KDM2B: variants seen among roughly 807,000 people sequenced by gnomAD.
The protein encoded by KDM2B is lysine demethylase 2B.
In KDM2B, 26 loss-of-function variants were observed where a neutral mutation model predicts 150.0. The ratio of observed to expected loss-of-function variants is 0.17; its 90% CI spans 0.13 to 0.24. The LOEUF is 0.24. Among genes scored for constraint, KDM2B ranks in the 10% least tolerant of loss-of-function variants. KDM2B has a pLI of 1.00. For missense variants in KDM2B, 1,265 were observed against 1,816.9 expected, an observed-to-expected ratio of 0.70 and a Z score of 5.52; for synonymous variants, 734 against 729.5, an observed-to-expected ratio of 1.01 and a Z score of -0.10.
intron 12 of KDM2B, among the ~76,000 whole-genome samples, chr12:121,487,425 G>A (rs79454814): frequency 0.021 from 3,222 of 152,202 alleles, 103 homozygotes; most frequent in African/African-American, 0.071. Context: ...TTCTCTTCGC[G>A]TGGTTCCCCT....
intron 4 of KDM2B, among the ~76,000 whole-genome samples, chr12:121,573,389 C>T (rs1002027315): frequency 1.5e-4 from 23 of 151,206 alleles, no homozygotes; most frequent in African/African-American, 5.6e-4. Flanking sequence ...CTGAAGTGAT[C>T]CTCTCACCTC....
chr12:121,474,212 A>T (rs1881086556), intron 12 of KDM2B, among the ~76,000 whole-genome samples: 1 of 152,154 alleles, frequency 6.6e-6, no homozygotes, highest in Non-Finnish European at 1.5e-5. Context: ...TGTTCACTTT[A>T]AAATTTTTAG....
intron 6 of KDM2B, among the ~76,000 whole-genome samples, chr12:121,540,908 A>T (rs1279044671): frequency 2.0e-5 from 3 of 151,388 alleles, no homozygotes; most frequent in African/African-American, 7.3e-5. Context: ...AGATGGCAGG[A>T]CCCCTACATT....
At position 121,520,882 on chromosome 12, in the gene KDM2B, A is replaced by G; in HGVS notation, c.1047+103T>C. On this transcript the variant is annotated intron_variant, in intron 9 of 22. Coordinates refer to ENST00000377071, the MANE Select transcript of KDM2B (RefSeq NM_032590.5). The surrounding 1 kb of genome is among the most constrained non-coding windows in gnomAD (Gnocchi z 4.5). ...GCTTGAGAGAGGAATCGGGAGGGAGAGGGGAACTGTGGAGGACTTCAGTAT... is the reference window on the plus strand; with the variant it reads ...GCTTGAGAGAGGAATCGGGAGGGAGGGGGGAACTGTGGAGGACTTCAGTAT... 5.5e-6 allele frequency: 3 copies of G among 546,882 alleles called. No individual in the cohort carries two copies. The highest frequency in any genetic ancestry group is 6.3e-6 in the Non-Finnish European group (2 of 316,908). 33.9% of individuals were successfully genotyped at this position (546,882 alleles called of 1,614,324 possible).
chr12:121,420,686 AT>A, the KDM2B span: 2 of 1,614,048 alleles, frequency 1.2e-6, no homozygotes, highest in Non-Finnish European at 1.7e-6. Context: ...CTGGCTCGGA[AT>A]TTTGTCAACT....
the KDM2B span, among the ~76,000 whole-genome samples, chr12:121,422,644 T>C: frequency 6.6e-6 from 1 of 152,240 alleles, no homozygotes; most frequent in Non-Finnish European, 1.5e-5. Context: ...CAACTATTCA[T>C]GATTCCCTTT....
chr12:121,511,136 G>A (rs1295336282), intron 10 of KDM2B, among the ~76,000 whole-genome samples: 1 of 151,428 alleles, frequency 6.6e-6, no homozygotes, highest in African/African-American at 2.4e-5. Flanking sequence ...TCAGCCTCCC[G>A]AGTAGCTGAG....
In KDM2B at chr12:121,549,619, G is replaced by A. The variant is rs1329219384; in HGVS notation, c.417C>T (p.Asp139=). Residue 139 remains aspartate (D), a synonymous_variant, in exon 5 of 23, where the codon GAC becomes GAT. Coordinates refer to ENST00000377071, the MANE Select transcript of KDM2B (RefSeq NM_032590.5). This position sits in a 1 kb window ranked among gnomAD's most constrained non-coding sequence, Gnocchi z 4.4. ...KLLVGSRRLV[D]VMDVNTQKGT... ...CCTTCTGGGTGTTCACATCCATCAC[G>A]TCCACAAGCCGCCGGCTCCCTGGAG... 8.8e-6 allele frequency: 14 copies of A among 1,585,562 alleles called. No individual in the cohort carries two copies. Among genetic ancestry groups the A allele is most frequent in the South Asian group, 2.2e-5 (2 of 88,992 alleles).
chr12:121,544,602 T>G (rs1555310340), intron 6 of KDM2B, among the ~76,000 whole-genome samples: 1 of 139,192 alleles, frequency 7.2e-6, no homozygotes, highest in South Asian at 2.3e-4. Context: ...ACAGTGAGTC[T>G]CCGTCCCCCC....
upstream of KDM2B, among the ~76,000 whole-genome samples, chr12:121,581,433 T>C (rs1337495633): frequency 3.3e-5 from 5 of 152,192 alleles, no homozygotes; most frequent in African/African-American, 1.2e-4. Context: ...CCTGTCCACT[T>C]ACTAGTGTTT....
At chr12:121,473,141 A>G (rs1361330839) in intron 12 of KDM2B, among the ~76,000 whole-genome samples, 1 of 152,214 alleles carries the variant, frequency 6.6e-6, no homozygotes, top group Non-Finnish European at 1.5e-5. Flanking sequence ...CTGTAATCCC[A>G]GCTCCTTGGG....
At position 121,537,013 on chromosome 12, in the gene KDM2B, C is replaced by T. The variant is rs1195718203; in HGVS notation, c.684-2423G>A. On this transcript the variant is annotated intron_variant, in intron 6 of 22. Transcript: ENST00000377071. The surrounding 1 kb of genome is among the most constrained non-coding windows in gnomAD (Gnocchi z 8.7). ...CAAGTTGAGTCTGTGTCTGATCTGC[C>T]CTCTGGGTCACCCTCCAGCATCCAG... 2.6e-5 allele frequency among the ~76,000 whole-genome samples: 4 copies of T among 152,198 alleles called. No homozygotes were observed. The highest frequency in any genetic ancestry group is 6.5e-5 in the Admixed American group (1 of 15,286).
At chr12:121,578,997 G>A (rs1555317407) in intron 1 of KDM2B, 51 bp from the exon 2 acceptor site, 6 of 1,579,910 alleles carry the variant, frequency 3.8e-6, no homozygotes, top group African/African-American at 1.4e-5. Flanking sequence ...GGGGCTGGAG[G>A]TCGCCTCTCA....
chr12:121,535,382 A>G (rs1436044771), intron 6 of KDM2B, among the ~76,000 whole-genome samples: 2 of 152,186 alleles, frequency 1.3e-5, no homozygotes, highest in Non-Finnish European at 2.9e-5. Context: ...AGAGACAGAA[A>G]GCAGATTAGT....
At chr12:121,482,180 T>C (rs1483040501) in intron 12 of KDM2B, among the ~76,000 whole-genome samples, 1 of 152,218 alleles carries the variant, frequency 6.6e-6, no homozygotes, top group Non-Finnish European at 1.5e-5. Context: ...CAGGTGAACG[T>C]AGTCTTGAAG....
At chr12:121,435,913 A>G (rs1265953429) in intron 22 of KDM2B, among the ~76,000 whole-genome samples, 1 of 152,124 alleles carries the variant, frequency 6.6e-6, no homozygotes, top group East Asian at 1.9e-4. Flanking sequence ...GCTTCTGATC[A>G]CCCTTGAGTG....
rs1555294940 is a variant in KDM2B, at chr12:121,467,021, C to T, written c.1735-13677G>A. ...CGCCCCGCTCGGGCCCGGCCCCGGC[C>T]GCCCCGCCGGCAGCGGCAGCAAAAC... On this transcript the variant is annotated intron_variant, in intron 12 of 22. Transcript: ENST00000377071. This position sits in a 1 kb window ranked among gnomAD's most constrained non-coding sequence, Gnocchi z 5.1. The T allele has an allele frequency of 9.1e-6, 3 of 329,558 alleles. No homozygotes were observed. The highest frequency in any genetic ancestry group is 1.3e-5 in the Non-Finnish European group (3 of 225,638). The allele number at this position is 329,558 out of a possible 1,614,324, so 20.4% of individuals were successfully genotyped here.
At position 121,523,287 on chromosome 12, in the gene KDM2B, C is replaced by T. The variant is rs79177261; in HGVS notation, c.932-2187G>A. Among the ~76,000 whole-genome samples, 1,251 of 152,248 alleles carry T rather than the reference C, an allele frequency of 8.2e-3. 19 individuals carry two copies. Among genetic ancestry groups the T allele is most frequent in the African/African-American group, 0.028 (1,169 of 41,542 alleles). On this transcript the variant is annotated intron_variant, in intron 8 of 22. Transcript: ENST00000377071. Reference sequence around the variant, plus strand: ...TACAGAGGGGAGGCAAAAGGAGAAACGCAGAGAGAAATAAGGACAAGGGCG... The same window carrying T: ...TACAGAGGGGAGGCAAAAGGAGAAATGCAGAGAGAAATAAGGACAAGGGCG...
chr12:121,473,283 T>C (rs1880963959), intron 12 of KDM2B, among the ~76,000 whole-genome samples: 1 of 151,832 alleles, frequency 6.6e-6, no homozygotes, highest in African/African-American at 2.4e-5. Flanking sequence ...CCCCAGTTAC[T>C]TGGGAGGCTG....
Sources: gnomAD v4.1 joint callset for allele counts (sites outside exome capture counted in the v4.1 genomes callset) on GRCh38, gnomAD v4.1.1 for gene constraint, Gnocchi (gnomAD v3.1) non-coding constraint, MANE v1.5 for transcripts, NCBI Gene and HGNC (gene_info 2026-07-23, HGNC 2026-07-21) for gene names.